Variants in PDSS2 observed in about 807,000 individuals in gnomAD.
PDSS2 encodes the protein all trans-polyprenyl-diphosphate synthase PDSS2.
Under a neutral mutation model 44.5 loss-of-function variants are expected in PDSS2, and 31 were observed. The observed-to-expected ratio is 0.70, with a 90% CI of 0.52 to 0.94. The LOEUF is 0.94. Among genes scored for constraint, PDSS2 ranks in the 40% least tolerant of loss-of-function variants. The pLI is 0.00. For synonymous variants in PDSS2, 157 were observed against 180.3 expected, an observed-to-expected ratio of 0.87 and a Z score of 1.03; for missense variants, 452 against 482.2, an observed-to-expected ratio of 0.94 and a Z score of 0.59.
intron 2 of PDSS2, among the ~76,000 whole-genome samples, chr6:107,313,793 G>T (rs1272305996): frequency 2.0e-5 from 3 of 152,044 alleles, no homozygotes; most frequent in Non-Finnish European, 4.4e-5. Context: ...TTTGAGTAGG[G>T]TATCCTCTTT....
intron 2 of PDSS2, among the ~76,000 whole-genome samples, chr6:107,298,992 A>T (rs1391867541): frequency 6.6e-6 from 1 of 151,992 alleles, no homozygotes; most frequent in African/African-American, 2.4e-5. Context: ...AAATACAAAA[A>T]TTAGCTGGTG....
intron 1 of PDSS2, among the ~76,000 whole-genome samples, chr6:107,437,209 C>T (rs1272014431): frequency 6.6e-6 from 1 of 152,104 alleles, no homozygotes; most frequent in African/African-American, 2.4e-5. Flanking sequence ...CATTCTCTCA[C>T]CCCTTTTCTC....
intron 1 of PDSS2, 64 bp downstream of exon 1, chr6:107,458,926 T>C (rs1215269332): frequency 6.8e-7 from 1 of 1,468,230 alleles, no homozygotes; most frequent in Admixed American, 1.7e-5. Flanking sequence ...AGAATGCGTA[T>C]GCCCGCCAGA....
chr6:107,204,429 C>T (rs549982231), intron 6 of PDSS2, among the ~76,000 whole-genome samples: 42 of 152,284 alleles, frequency 2.8e-4, no homozygotes, highest in African/African-American at 1.0e-3. Flanking sequence ...CATTCATGTA[C>T]ATATTTTTAC....
At chr6:107,386,745 A>G (rs556404526) in intron 1 of PDSS2, among the ~76,000 whole-genome samples, 5 of 152,360 alleles carry the variant, frequency 3.3e-5, no homozygotes, top group African/African-American at 9.6e-5. Flanking sequence ...CCATTTGACC[A>G]GAAATAAATA....
intron 1 of PDSS2, among the ~76,000 whole-genome samples, chr6:107,373,443 T>C (rs748488191): frequency 6.6e-6 from 1 of 152,224 alleles, no homozygotes; most frequent in Non-Finnish European, 1.5e-5. Flanking sequence ...TTATGATTAA[T>C]ATTACCTATA....
rs869061691 is a variant in PDSS2 at position 107,429,901 on chromosome 6, A to AATATATAT, written c.296+29081_296+29088dup. 6.3e-3 allele frequency among the ~76,000 whole-genome samples: 198 copies of AATATATAT among 31,660 alleles called. 6 individuals carry two copies. Among genetic ancestry groups the AATATATAT allele is most frequent in the South Asian group, 0.018 (7 of 390 alleles). 20.8% of individuals were successfully genotyped at this position (31,660 alleles called of 152,430 possible). The stretch of plus-strand genomic sequence containing the variant: ...CTTAGTCTCAAAAAAAAAAAAAAAA[A>AATATATAT]ATATATATATATATATATATATATA... On this transcript the variant is annotated intron_variant, in intron 1 of 7. Coordinates refer to ENST00000369037, the MANE Select transcript of PDSS2 (RefSeq NM_020381.4).
intron 2 of PDSS2, among the ~76,000 whole-genome samples, chr6:107,276,971 G>A (rs1582882328): frequency 2.0e-5 from 3 of 152,130 alleles, no homozygotes; most frequent in Non-Finnish European, 2.9e-5. Flanking sequence ...ACCAGCAAAG[G>A]AACAGTCCAG....
At chr6:107,365,136 T>TTC (rs1279289031) in intron 1 of PDSS2, among the ~76,000 whole-genome samples, 4 of 152,180 alleles carry the variant, frequency 2.6e-5, no homozygotes, top group Non-Finnish European at 5.9e-5. Flanking sequence ...TTTTTCTCAT[T>TTC]TCTTCTCTTA....
intron 1 of PDSS2, among the ~76,000 whole-genome samples, chr6:107,433,228 C>G (rs1035912317): frequency 6.7e-6 from 1 of 150,090 alleles, no homozygotes; most frequent in African/African-American, 2.5e-5. Context: ...AAGCAACCTA[C>G]AGATTCAATG....
intron 2 of PDSS2, among the ~76,000 whole-genome samples, chr6:107,293,363 G>A (rs1311388875): frequency 6.6e-6 from 1 of 152,136 alleles, no homozygotes; most frequent in Non-Finnish European, 1.5e-5. Context: ...CCCCCTCTCT[G>A]ACTGCAGCAC....
At chr6:107,313,454 G>A (rs959957092) in intron 2 of PDSS2, among the ~76,000 whole-genome samples, 10 of 152,210 alleles carry the variant, frequency 6.6e-5, no homozygotes, top group African/African-American at 1.9e-4. Context: ...CTAGATTCAA[G>A]CAATTCTCCT....
chr6:107,379,950 A>T (rs1779405785), intron 1 of PDSS2, among the ~76,000 whole-genome samples: 1 of 151,836 alleles, frequency 6.6e-6, no homozygotes, highest in South Asian at 2.1e-4. Flanking sequence ...TTCTTTCTCT[A>T]TTATCAGTTT....
chr6:107,458,960 G>A (rs1782148833), intron 1 of PDSS2, 30 bp downstream of exon 1: 13 of 1,608,280 alleles, frequency 8.1e-6, no homozygotes, highest in Non-Finnish European at 1.1e-5. Context: ...CAATGAGTGC[G>A]AGTGTGTCAG....
Position 107,378,931 on chromosome 6 carries a change from G to C in PDSS2, c.297-44599C>G, listed in dbSNP as rs532312565. ...TATCATACCGAAGGTACATAAAATC[G>C]CCATGATTTAGCTCTGCTGATGTTG... On this transcript the variant is annotated intron_variant, in intron 1 of 7. Coordinates refer to ENST00000369037, the MANE Select transcript of PDSS2 (RefSeq NM_020381.4). 3.9e-5 allele frequency among the ~76,000 whole-genome samples: 6 copies of C among 152,212 alleles called. No individual in the cohort carries two copies. The South Asian group carries it at 1.2e-3, about 32-fold the overall frequency.
intron 7 of PDSS2, among the ~76,000 whole-genome samples, chr6:107,167,785 G>C (rs1771408697): frequency 6.6e-6 from 1 of 152,208 alleles, no homozygotes. Flanking sequence ...TAGTTGAGCA[G>C]TTTTGGGTGA....
chr6:107,190,425 T>C (rs1224079011), intron 7 of PDSS2, among the ~76,000 whole-genome samples: 1 of 152,208 alleles, frequency 6.6e-6, no homozygotes, highest in African/African-American at 2.4e-5. Context: ...CATTCACTCG[T>C]CACTTACTAA....
chr6:107,196,858 T>C (rs1772579176), intron 6 of PDSS2, among the ~76,000 whole-genome samples: 1 of 152,136 alleles, frequency 6.6e-6, no homozygotes, highest in African/African-American at 2.4e-5. Context: ...TAATCAATCA[T>C]ACCTATGTAA....
intron 1 of PDSS2, among the ~76,000 whole-genome samples, chr6:107,444,742 T>C (rs1435931730): frequency 6.6e-6 from 1 of 152,154 alleles, no homozygotes; most frequent in African/African-American, 2.4e-5. Flanking sequence ...AATTTTACCA[T>C]GCAGAAAGGA....
Sources: allele counts gnomAD v4.1 joint callset (sites outside exome capture counted in the v4.1 genomes callset), GRCh38; gene constraint gnomAD v4.1.1; transcripts MANE v1.5; gene names NCBI Gene and HGNC (gene_info 2026-07-23, HGNC 2026-07-21).